The following AGBL1 variants were observed in gnomAD, a reference collection of about 807,000 sequenced individuals.
The protein encoded by AGBL1 is cytosolic carboxypeptidase 4.
In AGBL1, 130 loss-of-function variants were observed where a neutral mutation model predicts 118.9. The ratio of observed to expected loss-of-function variants is 1.09; its 90% CI spans 0.95 to 1.26. AGBL1 has a LOEUF of 1.26. AGBL1 is among the 50% of genes most tolerant of loss of function. The pLI, the probability that AGBL1 is intolerant of heterozygous loss-of-function variation, is 0.00. For synonymous variants in AGBL1, 555 were observed against 478.9 expected (o/e 1.16, Z -2.08); for missense variants, 1,584 against 1,298.1 (o/e 1.22, Z -3.38).
At chr15:86,150,813 A>G (rs2077097562) in intron 3 of AGBL1, among the ~76,000 whole-genome samples, 1 of 152,232 alleles carries the variant, frequency 6.6e-6, no homozygotes, top group Admixed American at 6.5e-5. Context: ...CAGAGACACA[A>G]CAAAAAGAAT....
chr15:86,636,166 G>A (rs533867408), intron 21 of AGBL1, among the ~76,000 whole-genome samples: 12 of 152,290 alleles, frequency 7.9e-5, no homozygotes, highest in African/African-American at 2.9e-4. Context: ...TCGGAGAGGG[G>A]AGACAGCACA....
At chr15:86,219,929 A>T (rs11852723) in intron 5 of AGBL1, among the ~76,000 whole-genome samples, 5 of 146,042 alleles carry the variant, frequency 3.4e-5, no homozygotes, top group African/African-American at 1.3e-4. Flanking sequence ...AGGTAGACTT[A>T]TAGCTAATGC....
chr15:86,224,767 G>T, intron 5 of AGBL1, 147 bp from the exon 6 acceptor site: 1 of 741,356 alleles, frequency 1.3e-6, no homozygotes. Context: ...CCTCTTTAAT[G>T]GTCAGCGGGG....
intron 21 of AGBL1, among the ~76,000 whole-genome samples, chr15:86,622,361 A>G (rs1439518195): frequency 1.3e-5 from 2 of 151,560 alleles, no homozygotes; most frequent in Non-Finnish European, 2.9e-5. Context: ...TAGGGGGTCC[A>G]CACAAAAACC....
At chr15:86,496,168 T>C (rs1055835679) in intron 18 of AGBL1, among the ~76,000 whole-genome samples, 2 of 152,028 alleles carry the variant, frequency 1.3e-5, no homozygotes, top group African/African-American at 4.8e-5. Context: ...CTCATGATAG[T>C]GAATGAGTTT....
intron 21 of AGBL1, among the ~76,000 whole-genome samples, chr15:86,587,060 A>G (rs1273766497): frequency 2.0e-5 from 3 of 152,270 alleles, no homozygotes; most frequent in South Asian, 2.1e-4. Flanking sequence ...TCGGACTAGA[A>G]CCCATCAGAT....
At chr15:86,952,047 A>G (rs1017648518) in intron 23 of AGBL1, among the ~76,000 whole-genome samples, 1 of 152,112 alleles carries the variant, frequency 6.6e-6, no homozygotes, top group South Asian at 2.1e-4. Context: ...CCTGGTCGAC[A>G]TGGTGAAACC....
At chr15:86,154,665 T>C (rs376493772) in intron 4 of AGBL1, 104 bp downstream of exon 4, 2 of 1,326,216 alleles carry the variant, frequency 1.5e-6, no homozygotes, top group South Asian at 1.6e-5. Context: ...GGGTGAGAGA[T>C]ACACATGGTG....
intron 22 of AGBL1, among the ~76,000 whole-genome samples, chr15:86,712,842 A>G (rs570315021): frequency 1.3e-5 from 2 of 152,174 alleles, no homozygotes; most frequent in South Asian, 2.1e-4. Context: ...CTGGAGCTGA[A>G]GCTTAGCCTG....
chr15:86,858,376 G>A (rs1281457051), intron 22 of AGBL1, among the ~76,000 whole-genome samples: 1 of 152,100 alleles, frequency 6.6e-6, no homozygotes, highest in Non-Finnish European at 1.5e-5. Flanking sequence ...TTAACACTAT[G>A]CTGGGCACAG....
At chr15:86,480,569 C>A (rs1367771864) in intron 18 of AGBL1, among the ~76,000 whole-genome samples, 1 of 151,614 alleles carries the variant, frequency 6.6e-6, no homozygotes, top group East Asian at 1.9e-4. Flanking sequence ...GAATCTAGTA[C>A]TATGAAAAGA....
chr15:86,904,805 AGAT>A (rs768834189), intron 22 of AGBL1, among the ~76,000 whole-genome samples: 2 of 148,398 alleles, frequency 1.3e-5, no homozygotes, highest in East Asian at 1.9e-4. Flanking sequence ...ATTCCACAAA[AGAT>A]GATTCAAATA....
chr15:86,982,061 T>C (rs930707318), intron 23 of AGBL1, among the ~76,000 whole-genome samples: 7 of 152,204 alleles, frequency 4.6e-5, no homozygotes, highest in Admixed American at 3.9e-4. Flanking sequence ...GCTTAAGAAA[T>C]GATCATCAAA....
At chr15:86,318,696 A>ATTTTT (rs57988335) in intron 17 of AGBL1, among the ~76,000 whole-genome samples, 36 of 81,974 alleles carry the variant, frequency 4.4e-4, no homozygotes, top group African/African-American at 7.3e-4. Context: ...TTGATCATAG[A>ATTTTT]TTTTTTTTTT....
chr15:86,250,489 G>GCA (rs2078794969), intron 7 of AGBL1, among the ~76,000 whole-genome samples: 1 of 122,320 alleles, frequency 8.2e-6, no homozygotes, highest in African/African-American at 3.0e-5. Flanking sequence ...TCACACCATT[G>GCA]CACTCCAGTC....
rs376535716 is a variant in AGBL1, at chr15:86,174,431, C to T, written c.488+15405C>T. Among the ~76,000 whole-genome samples, 263 of 152,004 alleles carry T rather than the reference C, an allele frequency of 1.7e-3. 4 individuals are homozygous for T. In the South Asian group the frequency reaches 0.05, roughly 29 times the overall value. ...GACTTTCTGTTTTCCAATTTAAGTG[C>T]CTTTTATTTCTTTCTCTTGCTAGAG... On this transcript the variant is annotated intron_variant, in intron 5 of 22. Coordinates refer to ENST00000614907, the MANE Select transcript of AGBL1 (RefSeq NM_001386094.1).
rs1431309961 is a variant in AGBL1, at chr15:86,911,119, T to C, written c.*3825T>C. Reference sequence around the variant, plus strand: ...TGTAGGCCATAATGGGAAGCAAATGTGGTCCAAAATGTGCAGAGGAGAGAG... The same window carrying C: ...TGTAGGCCATAATGGGAAGCAAATGCGGTCCAAAATGTGCAGAGGAGAGAG... On this transcript the variant is annotated 3_prime_UTR_variant, in exon 23 of 23. Transcript: ENST00000614907. 1 of 152,294 alleles carries C rather than the reference T, an allele frequency of 6.6e-6. No homozygotes were observed. Among genetic ancestry groups the C allele is most frequent in the East Asian group, 1.9e-4 (1 of 5,184 alleles). 9.4% of individuals were successfully genotyped at this position (152,294 alleles called of 1,614,324 possible). A position where few individuals can be genotyped will look rare whatever the true frequency, so the allele number is the denominator to read the frequency against.
chr15:86,229,616 T>A lies in AGBL1; in HGVS notation c.526+4665T>A, dbSNP rs1442078045. The stretch of plus-strand genomic sequence containing the variant: ...ACCTTCATCTCTGTCTTTTCCTCTT[T>A]TTCCCTCATCCTTTTTGTCATTTCT... On this transcript the variant is annotated intron_variant, in intron 6 of 22. Coordinates refer to ENST00000614907, the MANE Select transcript of AGBL1 (RefSeq NM_001386094.1). Among the ~76,000 whole-genome samples the A allele has an allele frequency of 3.3e-5, 5 of 152,314 alleles. No homozygotes were observed. In the East Asian group the frequency reaches 9.6e-4, roughly 29 times the overall value.
At position 86,980,914 on chromosome 15, in the gene AGBL1, T is replaced by G. The variant is rs57507643; in HGVS notation, c.3222-7073T>G. On this transcript the variant is annotated intron_variant, in intron 23 of 24. Transcript: ENST00000441037. ...TTTTTTTTTTTTTTTTGAGACAGAG[T>G]CTTGCTCTGTCACCCAGCCTGGAGT... 3.0e-3 allele frequency among the ~76,000 whole-genome samples: 375 copies of G among 124,946 alleles called. 1 individual carries two copies. Among genetic ancestry groups the G allele is most frequent in the African/African-American group, 0.011 (351 of 31,490 alleles). 82.0% of individuals were successfully genotyped at this position (124,946 alleles called of 152,430 possible).
Sources: gnomAD v4.1 joint callset for allele counts (sites outside exome capture counted in the v4.1 genomes callset) on GRCh38, gnomAD v4.1.1 for gene constraint, MANE v1.5 for transcripts, NCBI Gene and HGNC (gene_info 2026-07-23, HGNC 2026-07-21) for gene names.